Variants in TBC1D22A observed in about 807,000 individuals in gnomAD.
TBC1D22A encodes putative GTPase activator.
In TBC1D22A, 38 loss-of-function variants were observed where a neutral mutation model predicts 60.2. That is an observed-to-expected ratio of 0.63 (90% CI 0.49 to 0.83). The LOEUF (loss-of-function observed/expected upper bound fraction) is 0.83. TBC1D22A is among the 40% of genes least tolerant of loss of function. The pLI, the probability that TBC1D22A is intolerant of heterozygous loss-of-function variation, is 0.00. For missense variants in TBC1D22A, 628 were observed against 701.0 expected (o/e 0.90, Z 1.18); for synonymous variants, 302 against 281.7 (o/e 1.07, Z -0.72).
chr22:46,867,754 A>G (rs1386770716), intron 4 of TBC1D22A, among the ~76,000 whole-genome samples: 2 of 152,268 alleles, frequency 1.3e-5, no homozygotes, highest in Admixed American at 1.3e-4. Flanking sequence ...CTAGGGCAGC[A>G]TGCGATCACA....
In TBC1D22A at chr22:47,111,756, A is replaced by G. The variant is rs529436570; in HGVS notation, c.1425+153A>G. On this transcript the variant is annotated intron_variant, in intron 12 of 12. Coordinates refer to ENST00000337137, the MANE Select transcript of TBC1D22A (RefSeq NM_014346.5). ...CCTCCTGCTGGTTGAAAGCTCGTCC[A>G]GCTGAGGAGATGAGCCTGGCAGTGG... Among the ~76,000 whole-genome samples, 8 of 152,320 alleles carry G rather than the reference A, an allele frequency of 5.3e-5. No individual in the cohort carries two copies. In the East Asian group the frequency reaches 9.6e-4, roughly 18 times the overall value.
chr22:46,770,927 T>C (rs1375826996), intron 1 of TBC1D22A, among the ~76,000 whole-genome samples: 1 of 152,084 alleles, frequency 6.6e-6, no homozygotes, highest in African/African-American at 2.4e-5. Context: ...TGTTTGTGAG[T>C]GGAGATGACC....
intron 1 of TBC1D22A, among the ~76,000 whole-genome samples, chr22:46,768,357 C>T (rs149186246): frequency 0.023 from 3,559 of 151,898 alleles, 104 homozygotes; most frequent in African/African-American, 0.074. Flanking sequence ...TGGTGGCAGG[C>T]GCCTGTAATC....
chr22:46,843,754 T>C (rs985757020), intron 4 of TBC1D22A, among the ~76,000 whole-genome samples: 10 of 152,028 alleles, frequency 6.6e-5, no homozygotes, highest in African/African-American at 2.2e-4. Flanking sequence ...GATATCCTAG[T>C]TCCCTGGGGT....
chr22:47,073,250 C>T (rs750189448), intron 11 of TBC1D22A, among the ~76,000 whole-genome samples: 2 of 152,210 alleles, frequency 1.3e-5, no homozygotes, highest in East Asian at 1.9e-4. Context: ...ACCATATCCA[C>T]GTAATGTTGT....
chr22:46,831,202 C>T (rs2086294341), intron 4 of TBC1D22A, among the ~76,000 whole-genome samples: 1 of 152,150 alleles, frequency 6.6e-6, no homozygotes, highest in Non-Finnish European at 1.5e-5. Context: ...CCACCCCTGA[C>T]ATTTCCATAG....
At chr22:46,812,858 C>CT (rs1201052660) in intron 4 of TBC1D22A, among the ~76,000 whole-genome samples, 1 of 152,172 alleles carries the variant, frequency 6.6e-6, no homozygotes, top group Non-Finnish European at 1.5e-5. Context: ...TAGCATTTAT[C>CT]TTTTTTGCTT....
rs560362902 is a variant in TBC1D22A at position 46,812,488 on chromosome 22, A to T, written c.637+14868A>T. On this transcript the variant is annotated intron_variant, in intron 4 of 12. Coordinates refer to ENST00000337137, the MANE Select transcript of TBC1D22A (RefSeq NM_014346.5). ...GCTCTGGGGCTCCCACGGGTTGGTC[A>T]CACTGTGGGCTGCCTGGCCTCACAG... Among the ~76,000 whole-genome samples the T allele has an allele frequency of 3.9e-5, 6 of 152,286 alleles. No individual in the cohort carries two copies. The South Asian group carries it at 1.0e-3, about 26-fold the overall frequency.
chr22:47,091,612 G>A (rs1033911056), intron 11 of TBC1D22A, among the ~76,000 whole-genome samples: 6 of 152,134 alleles, frequency 3.9e-5, no homozygotes, highest in Non-Finnish European at 8.8e-5. Context: ...CGTCTTTCGG[G>A]GAGTGGCCTC....
intron 10 of TBC1D22A, among the ~76,000 whole-genome samples, chr22:47,022,793 T>C (rs131939): frequency 0.41 from 62,501 of 151,960 alleles, 14,785 homozygotes; most frequent in African/African-American, 0.66. Flanking sequence ...AGGGTTTTCC[T>C]TCAGTAGTGG....
intron 11 of TBC1D22A, among the ~76,000 whole-genome samples, chr22:47,097,099 G>C (rs6008034): frequency 0.02 from 3,027 of 149,830 alleles, 63 homozygotes; most frequent in African/African-American, 0.051. Flanking sequence ...TATGGGCGTG[G>C]CCCCGTGTCC....
intron 4 of TBC1D22A, among the ~76,000 whole-genome samples, chr22:46,869,719 G>T (rs139671131): frequency 6.6e-6 from 1 of 152,184 alleles, no homozygotes; most frequent in Non-Finnish European, 1.5e-5. Context: ...CAGTGCACAT[G>T]CATTTCTTAC....
Position 46,878,636 on chromosome 22 carries a change from T to C in TBC1D22A, c.638-17T>C. 6.2e-7 allele frequency: 1 copy of C among 1,612,904 alleles called. No homozygotes were observed. The highest frequency in any genetic ancestry group is 2.2e-5 in the East Asian group (1 of 44,892). On this transcript the variant is annotated splice_polypyrimidine_tract_variant and intron_variant, in intron 4 of 12. Coordinates refer to ENST00000337137, the MANE Select transcript of TBC1D22A (RefSeq NM_014346.5). The stretch of plus-strand genomic sequence containing the variant: ...TTTGCAAATCTTGTTTTTCCTTGTC[T>C]CTTTTTTCATCAACAGAGGAATTAC...
chr22:47,148,890 C>T (rs1455468035), intron 12 of TBC1D22A, among the ~76,000 whole-genome samples: 5 of 152,194 alleles, frequency 3.3e-5, no homozygotes, highest in African/African-American at 1.2e-4. Flanking sequence ...TGGCTGTGCT[C>T]CCGCCTAGCC....
chr22:47,073,613 AG>A (rs1291521240), intron 11 of TBC1D22A, among the ~76,000 whole-genome samples: 27 of 152,226 alleles, frequency 1.8e-4, no homozygotes, highest in Non-Finnish European at 2.6e-4. Flanking sequence ...TGCTGGGTCT[AG>A]GACTTCCCCA....
chr22:46,948,816 C>T (rs565454182), intron 8 of TBC1D22A, among the ~76,000 whole-genome samples: 11 of 152,306 alleles, frequency 7.2e-5, no homozygotes, highest in Admixed American at 5.9e-4. Context: ...CTTGTAAGCA[C>T]GGCCAAACAG....
chr22:47,033,994 G>A (rs1007747555), intron 10 of TBC1D22A, among the ~76,000 whole-genome samples: 3 of 152,328 alleles, frequency 2.0e-5, no homozygotes, highest in Non-Finnish European at 4.4e-5. Context: ...ATGAGCAGCC[G>A]TGGGATTAAA....
intron 12 of TBC1D22A, among the ~76,000 whole-genome samples, chr22:47,140,910 G>A (rs1423176669): frequency 6.6e-6 from 1 of 152,252 alleles, no homozygotes; most frequent in East Asian, 1.9e-4. Context: ...GAAGGGTCTG[G>A]CATACAGACT....
chr22:46,978,034 C>T (rs2074372124), intron 9 of TBC1D22A, among the ~76,000 whole-genome samples: 2 of 152,246 alleles, frequency 1.3e-5, no homozygotes, highest in African/African-American at 4.8e-5. Context: ...AAGAGAGGTC[C>T]TCCAGGAGCG....
Sources: allele counts gnomAD v4.1 joint callset (sites outside exome capture counted in the v4.1 genomes callset), GRCh38; gene constraint gnomAD v4.1.1; transcripts MANE v1.5; gene names NCBI Gene and HGNC (gene_info 2026-07-23, HGNC 2026-07-21).